PLCH1: variants seen among roughly 807,000 people sequenced by gnomAD.
PLCH1 encodes phospholipase C eta 1.
A neutral mutation model predicts 126.7 loss-of-function variants in PLCH1; 60 were observed. That is an observed-to-expected ratio of 0.47 (90% CI 0.38 to 0.59). The LOEUF is 0.59. Ranked by LOEUF, PLCH1 falls within the 20% of genes least tolerant of loss-of-function variation. The probability of loss-of-function intolerance (pLI) is 0.00; values close to 1 mark genes in which losing one functional copy is unlikely to be tolerated. For missense variants in PLCH1, 1,723 were observed against 2,040.0 expected (o/e 0.84, Z 2.99); for synonymous variants, 719 against 734.9 (o/e 0.98, Z 0.35).
rs1181471357 is a variant in PLCH1 at position 155,456,064 on chromosome 3, C to A, written c.2938+29292G>T. Among the ~76,000 whole-genome samples, 4 of 152,184 alleles carry A rather than the reference C, an allele frequency of 2.6e-5. 1 individual carries two copies. The highest frequency in any genetic ancestry group is 4.4e-5 in the Non-Finnish European group (3 of 68,042). On this transcript the variant is annotated intron_variant, in intron 21 of 21. Transcript: ENST00000494598. ...TGCCCTGTCGATTGTTCAAGACAGG[C>A]TAAAAGTCCACATTTTATATGAAAT... is the stretch of plus-strand genomic sequence containing the variant.
At chr3:155,693,819 C>T (rs2109050317) in intron 2 of PLCH1, among the ~76,000 whole-genome samples, 1 of 151,920 alleles carries the variant, frequency 6.6e-6, no homozygotes, top group East Asian at 1.9e-4. Flanking sequence ...AATCCCAGCT[C>T]CTTGAGAGGC....
intron 4 of PLCH1, among the ~76,000 whole-genome samples, chr3:155,588,005 T>C (rs1034061665): frequency 6.6e-6 from 1 of 151,906 alleles, no homozygotes; most frequent in Non-Finnish European, 1.5e-5. Context: ...AACCAAGAAA[T>C]GGGAGAATGA....
chr3:155,605,705 G>T (rs149754122), intron 2 of PLCH1, among the ~76,000 whole-genome samples: 71 of 152,318 alleles, frequency 4.7e-4, no homozygotes, highest in African/African-American at 1.6e-3. Context: ...ATGGCAGCCC[G>T]AGTTCAACTG....
chr3:155,681,870 C>T (rs1260566905), intron 2 of PLCH1, among the ~76,000 whole-genome samples: 1 of 152,116 alleles, frequency 6.6e-6, no homozygotes, highest in Non-Finnish European at 1.5e-5. Flanking sequence ...GGGTTTTTTA[C>T]TACCACTGAG....
intron 8 of PLCH1, among the ~76,000 whole-genome samples, chr3:155,556,327 C>T (rs1291299170): frequency 6.6e-6 from 1 of 152,158 alleles, no homozygotes; most frequent in African/African-American, 2.4e-5. Flanking sequence ...CAACTCCAGC[C>T]TGGGCAACAA....
intron 11 of PLCH1, among the ~76,000 whole-genome samples, chr3:155,522,811 T>C (rs1488693471): frequency 6.6e-6 from 1 of 152,046 alleles, no homozygotes; most frequent in African/African-American, 2.4e-5. Flanking sequence ...ATCATCCCTG[T>C]GTGCTCCTCT....
chr3:155,506,321 C>T (rs564384768), intron 12 of PLCH1, among the ~76,000 whole-genome samples: 5 of 149,862 alleles, frequency 3.3e-5, no homozygotes, highest in South Asian at 4.3e-4. Flanking sequence ...ACTTCTCCAA[C>T]ATTTTCTATC....
chr3:155,544,642 G>A (rs1481403763), intron 10 of PLCH1, among the ~76,000 whole-genome samples: 5 of 152,042 alleles, frequency 3.3e-5, no homozygotes, highest in Non-Finnish European at 7.4e-5. Flanking sequence ...TGGAAGTAAA[G>A]CTCTCCTCAG....
chr3:155,691,076 C>T (rs1745342460), intron 2 of PLCH1, among the ~76,000 whole-genome samples: 1 of 152,116 alleles, frequency 6.6e-6, no homozygotes, highest in African/African-American at 2.4e-5. Context: ...AAAACACAAA[C>T]CCACCCCCTC....
intron 11 of PLCH1, among the ~76,000 whole-genome samples, chr3:155,516,998 G>C (rs1720424805): frequency 1.3e-5 from 2 of 152,232 alleles, no homozygotes; most frequent in African/African-American, 4.8e-5. Context: ...AGCCTTAAAA[G>C]ATAAGTATAT....
chr3:155,676,320 C>T (rs1577303316), intron 2 of PLCH1: 20 of 1,105,470 alleles, frequency 1.8e-5, no homozygotes, highest in Admixed American at 5.0e-5. Flanking sequence ...AGCATCTGCT[C>T]GGGGCTGCCG....
chr3:155,691,007 A>G (rs552979931), intron 2 of PLCH1, among the ~76,000 whole-genome samples: 1 of 152,218 alleles, frequency 6.6e-6, no homozygotes, highest in African/African-American at 2.4e-5. Flanking sequence ...AGGGCAACTC[A>G]CACTGTGTCT....
chr3:155,740,390 G>A (rs1370346054), intron 1 of PLCH1, among the ~76,000 whole-genome samples: 1 of 136,834 alleles, frequency 7.3e-6, no homozygotes, highest in African/African-American at 2.9e-5. Context: ...CTGGGTGATA[G>A]AGAGAGACTC....
intron 1 of PLCH1, among the ~76,000 whole-genome samples, chr3:155,716,835 A>C (rs1425593657): frequency 6.6e-6 from 1 of 152,100 alleles, no homozygotes; most frequent in East Asian, 1.9e-4. Flanking sequence ...AAAATACAAT[A>C]ATGTCTTCCC....
rs1379296328 is a variant in PLCH1, at chr3:155,672,370, C to T, written c.79+31776G>A. On this transcript the variant is annotated intron_variant, in intron 2 of 22. Coordinates refer to ENST00000460012, the MANE Select transcript of PLCH1 (RefSeq NM_014996.4). ...CACAGATAATTCAGAAATAAACTAA[C>T]AGCTCTGTAGAACAGACTAAAGCAC... is the stretch of plus-strand genomic sequence containing the variant. Among the ~76,000 whole-genome samples the T allele has an allele frequency of 2.6e-5, 4 of 152,164 alleles. No homozygotes were observed. The South Asian group carries it at 8.3e-4, about 31-fold the overall frequency.
At chr3:155,620,151 GA>G (rs1246080233) in intron 2 of PLCH1, among the ~76,000 whole-genome samples, 1 of 152,056 alleles carries the variant, frequency 6.6e-6, no homozygotes, top group Non-Finnish European at 1.5e-5. Context: ...GAAAAACACT[GA>G]AAACTTCTTA....
intron 21 of PLCH1, among the ~76,000 whole-genome samples, chr3:155,473,806 A>C (rs1183716054): frequency 6.6e-6 from 1 of 150,586 alleles, no homozygotes; most frequent in Non-Finnish European, 1.5e-5. Flanking sequence ...GACAAACCTG[A>C]GAAAAACAAG....
chr3:155,652,555 T>C (rs1166955187), intron 2 of PLCH1, among the ~76,000 whole-genome samples: 1 of 152,230 alleles, frequency 6.6e-6, no homozygotes, highest in Non-Finnish European at 1.5e-5. Context: ...CACTACATTT[T>C]CAAGATCATT....
chr3:155,460,799 T>C (rs1036618366), intron 21 of PLCH1, among the ~76,000 whole-genome samples: 6 of 125,704 alleles, frequency 4.8e-5, no homozygotes, highest in African/African-American at 1.5e-4. Flanking sequence ...GATAGATAGA[T>C]AGATAGATAG....
Sources: allele counts gnomAD v4.1 joint callset (sites outside exome capture counted in the v4.1 genomes callset), GRCh38; gene constraint gnomAD v4.1.1; transcripts MANE v1.5; gene names NCBI Gene and HGNC (gene_info 2026-07-23, HGNC 2026-07-21).